DACH1: variants seen among roughly 807,000 people sequenced by gnomAD.
DACH1 encodes the protein dachshund family transcription factor 1.
A neutral mutation model predicts 54.2 loss-of-function variants in DACH1; 12 were observed. The ratio of observed to expected loss-of-function variants is 0.22; its 90% CI spans 0.14 to 0.36. DACH1 has a LOEUF of 0.36. Ranked by LOEUF, DACH1 falls within the 10% of genes least tolerant of loss-of-function variation. The pLI, the probability that DACH1 is intolerant of heterozygous loss-of-function variation, is 1.00. For missense variants in DACH1, 805 were observed against 929.8 expected (o/e 0.87, Z 1.75); for synonymous variants, 386 against 366.2 (o/e 1.05, Z -0.62).
chr13:71,753,189 A>C (rs928893298), intron 1 of DACH1, among the ~76,000 whole-genome samples: 6 of 152,186 alleles, frequency 3.9e-5, no homozygotes, highest in African/African-American at 1.2e-4. Flanking sequence ...AACTCTCTCA[A>C]TTCCACTTTC....
rs75788375 is a variant in DACH1 at position 71,802,445 on chromosome 13, T to C, written c.848+63477A>G. On this transcript the variant is annotated intron_variant, in intron 1 of 10. Transcript: ENST00000613252. ...ATATAAATAAAGCATATTTAATCTG[T>C]TCTGGTGGAATTAAATTACTGAAAG... 2.1e-3 allele frequency among the ~76,000 whole-genome samples: 317 copies of C among 152,120 alleles called. 2 individuals are homozygous for C. Among genetic ancestry groups the C allele is most frequent in the Non-Finnish European group, 3.8e-3 (256 of 67,980 alleles).
chr13:71,620,110 G>A (rs1876110710), intron 3 of DACH1, among the ~76,000 whole-genome samples: 1 of 151,908 alleles, frequency 6.6e-6, no homozygotes, highest in South Asian at 2.1e-4. Context: ...TTTATGTAAA[G>A]TGAATATCAG....
intron 7 of DACH1, among the ~76,000 whole-genome samples, chr13:71,483,070 T>C (rs1878186525): frequency 6.6e-6 from 1 of 151,972 alleles, no homozygotes; most frequent in African/African-American, 2.4e-5. Flanking sequence ...CCCAAAGTGC[T>C]GGGATTACAG....
intron 6 of DACH1, among the ~76,000 whole-genome samples, chr13:71,513,010 ATAAG>A (rs934421403): frequency 6.6e-6 from 1 of 151,980 alleles, no homozygotes; most frequent in Non-Finnish European, 1.5e-5. Flanking sequence ...TCCACAAAAT[ATAAG>A]TAATAGACAC....
chr13:71,455,148 AT>A (rs1186613520), intron 10 of DACH1, among the ~76,000 whole-genome samples: 1 of 152,186 alleles, frequency 6.6e-6, no homozygotes, highest in African/African-American at 2.4e-5. Context: ...ATTGTTCTTA[AT>A]GTGCAAAAAT....
intron 6 of DACH1, among the ~76,000 whole-genome samples, chr13:71,537,096 C>CCTGA (rs1305029779): frequency 7.2e-5 from 11 of 152,044 alleles, no homozygotes; most frequent in Non-Finnish European, 1.5e-4. Context: ...TCCCTACCTC[C>CCTGA]CTGAATTCAT....
intron 1 of DACH1, among the ~76,000 whole-genome samples, chr13:71,838,086 C>G (rs1025545787): frequency 2.1e-5 from 3 of 144,954 alleles, no homozygotes; most frequent in Non-Finnish European, 4.5e-5. Context: ...AACTTCAAAA[C>G]CATGTTGATA....
At chr13:71,609,247 C>G (rs1266675844) in intron 3 of DACH1, among the ~76,000 whole-genome samples, 1 of 152,120 alleles carries the variant, frequency 6.6e-6, no homozygotes, top group African/African-American at 2.4e-5. Flanking sequence ...TCATCCATAT[C>G]TCTAGTCCAG....
intron 1 of DACH1, among the ~76,000 whole-genome samples, chr13:71,717,952 A>G (rs1883055462): frequency 6.6e-6 from 1 of 152,132 alleles, no homozygotes; most frequent in South Asian, 2.1e-4. Context: ...TAGAGTAACC[A>G]GAACCAATGA....
At chr13:71,539,190 G>A (rs1882986091) in intron 6 of DACH1, among the ~76,000 whole-genome samples, 1 of 151,792 alleles carries the variant, frequency 6.6e-6, no homozygotes, top group Admixed American at 6.6e-5. Context: ...TCTCACACCG[G>A]GTCTAGCTGT....
At chr13:71,491,636 T>C (rs78566722) in intron 6 of DACH1, among the ~76,000 whole-genome samples, 55 of 152,282 alleles carry the variant, frequency 3.6e-4, no homozygotes, top group African/African-American at 1.2e-3. Flanking sequence ...ATTCTTAAAG[T>C]CAATACACAA....
Position 71,700,111 on chromosome 13 carries a change from A to T in DACH1, c.849-18201T>A, listed in dbSNP as rs561724748. ...CGTGCATGCATGTGCACACACACAC[A>T]CACACACGAGACACACAGTGTTTGG... On this transcript the variant is annotated intron_variant, in intron 1 of 10. Coordinates refer to ENST00000613252, the MANE Select transcript of DACH1 (RefSeq NM_080759.6). Among the ~76,000 whole-genome samples, 21 of 152,334 alleles carry T rather than the reference A, an allele frequency of 1.4e-4. 1 individual carries two copies. In the East Asian group the frequency reaches 3.1e-3, roughly 22 times the overall value.
At chr13:71,858,447 T>C (rs149764533) in intron 1 of DACH1, among the ~76,000 whole-genome samples, 90 of 151,954 alleles carry the variant, frequency 5.9e-4, no homozygotes, top group African/African-American at 2.0e-3. Context: ...TATTGCAGTA[T>C]TTGCTTCATG....
chr13:71,632,620 G>C (rs868866588), intron 2 of DACH1, among the ~76,000 whole-genome samples: 1 of 152,048 alleles, frequency 6.6e-6, no homozygotes, highest in Admixed American at 6.6e-5. Flanking sequence ...TTATAAGGAA[G>C]TATTTTTCCA....
intron 2 of DACH1, among the ~76,000 whole-genome samples, chr13:71,654,468 A>ATAAAG (rs1566409170): frequency 2.8e-4 from 29 of 104,574 alleles, no homozygotes; most frequent in African/African-American, 6.7e-4. Context: ...GTAAAATAAA[A>ATAAAG]TAAAATAAAA....
At chr13:71,690,774 A>G (rs1354977828) in intron 1 of DACH1, among the ~76,000 whole-genome samples, 1 of 152,110 alleles carries the variant, frequency 6.6e-6, no homozygotes, top group Non-Finnish European at 1.5e-5. Context: ...TCTACAAACA[A>G]TTTAAAAATT....
At chr13:71,738,731 C>CAGAAAAA (rs1884249487) in intron 1 of DACH1, among the ~76,000 whole-genome samples, 1 of 24,064 alleles carries the variant, frequency 4.2e-5, no homozygotes, top group African/African-American at 8.6e-5. Flanking sequence ...GACTCTGTCT[C>CAGAAAAA]AAAAAAAAAA....
At chr13:71,673,090 G>T (rs1447978302) in intron 2 of DACH1, among the ~76,000 whole-genome samples, 2 of 152,118 alleles carry the variant, frequency 1.3e-5, no homozygotes, top group Admixed American at 1.3e-4. Flanking sequence ...TAGGAAAAGA[G>T]ACTACAGAAC....
intron 10 of DACH1, among the ~76,000 whole-genome samples, chr13:71,452,718 G>T (rs920967163): frequency 3.3e-5 from 5 of 152,160 alleles, no homozygotes; most frequent in African/African-American, 7.2e-5. Context: ...TCGACAGAGG[G>T]TGTGGACATT....
Sources: gnomAD v4.1 joint callset for allele counts (sites outside exome capture counted in the v4.1 genomes callset) on GRCh38, gnomAD v4.1.1 for gene constraint, MANE v1.5 for transcripts, NCBI Gene and HGNC (gene_info 2026-07-23, HGNC 2026-07-21) for gene names.